HMX2: variants seen among roughly 807,000 people sequenced by gnomAD.
HMX2 encodes the protein H6 family homeobox 2.
HMX2 carries 15 observed loss-of-function variants against 21.2 expected under a neutral mutation model. The ratio of observed to expected loss-of-function variants is 0.71; its 90% CI spans 0.47 to 1.09. The LOEUF is 1.09. Among genes scored for constraint, HMX2 ranks in the 50% least tolerant of loss-of-function variants. HMX2 has a pLI of 0.00. For missense variants in HMX2, 440 were observed against 381.5 expected, an observed-to-expected ratio of 1.15 and a Z score of -1.28; for synonymous variants, 193 against 181.0, an observed-to-expected ratio of 1.07 and a Z score of -0.53.
At position 123,149,873 on chromosome 10, in the gene HMX2, C is replaced by A; in HGVS notation, c.572C>A (p.Thr191Asn). 1 of 1,612,852 alleles carries A rather than the reference C, an allele frequency of 6.2e-7. No homozygotes were observed. Among genetic ancestry groups the A allele is most frequent in the Non-Finnish European group, 8.5e-7 (1 of 1,179,896 alleles). Residue 191 changes from threonine to asparagine, a missense_variant, in exon 2 of 2, where the codon ACC (threonine) becomes AAC (asparagine). By Grantham distance (65) the Thr-to-Asn change is moderately conservative (BLOSUM62 0). Coordinates refer to ENST00000339992, the MANE Select transcript of HMX2 (RefSeq NM_005519.2). The surrounding 1 kb of genome is among the most constrained non-coding windows in gnomAD (Gnocchi z 5.4). ...GCCTCCAGCCTGCAGCTCACGGAGA[C>A]CCAGGTAAAGACTTGGTTCCAGAAC... ...CLASSLQLTE[T>N]QVKTWFQNRR...
rs773082124 is a variant in HMX2, at chr10:123,149,980, A to C, written c.679A>C (p.Ser227Arg). Residue 227 changes from serine (S) to arginine (R), a missense_variant, in exon 2 of 2, where the codon AGC becomes CGC. Physicochemically the swap from Ser to Arg is moderately radical, Grantham distance 110. Coordinates refer to ENST00000339992, the MANE Select transcript of HMX2 (RefSeq NM_005519.2). The surrounding 1 kb of genome is among the most constrained non-coding windows in gnomAD (Gnocchi z 5.4). ...MAHASAQTLV[S>R]MPLVFRDSSL... ...GCACGCGTCGGCGCAGACTCTGGTG[A>C]GCATGCCGCTGGTGTTCCGGGACAG... The C allele has an allele frequency of 2.5e-6, 4 of 1,611,614 alleles. No individual in the cohort carries two copies. The highest frequency in any genetic ancestry group is 2.5e-6 in the Non-Finnish European group (3 of 1,179,474).
rs751457489 is a variant in HMX2, at chr10:123,149,794, G to C, written c.493G>C (p.Glu165Gln). ...TTCGCGCAGCCAGGTGTACCAGCTC[G>C]AGTCCACCTTCGACATGAAGCGCTA... ...VFSRSQVYQL[E>Q]STFDMKRYLS... Residue 165 changes from glutamate (E) to glutamine (Q), a missense_variant, in exon 2 of 2, where the codon GAG becomes CAG. Coordinates refer to ENST00000339992, the MANE Select transcript of HMX2 (RefSeq NM_005519.2). The surrounding 1 kb of genome is among the most constrained non-coding windows in gnomAD (Gnocchi z 5.4). 6.2e-7 allele frequency: 1 copy of C among 1,610,116 alleles called. No individual in the cohort carries two copies. Among genetic ancestry groups the C allele is most frequent in the Admixed American group, 1.7e-5 (1 of 59,896 alleles).
rs551483948 is a variant in HMX2, at chr10:123,150,298, G to A, written c.*175G>A. On this transcript the variant is annotated 3_prime_UTR_variant, in exon 2 of 2. Coordinates refer to ENST00000339992, the MANE Select transcript of HMX2 (RefSeq NM_005519.2). This position sits in a 1 kb window ranked among gnomAD's most constrained non-coding sequence, Gnocchi z 4.2. ...CCTACTTTTTGTTTTGATTGTTTCG[G>A]GTATTTATTGGCATTCCCTAAGTCA... 9.2e-5 allele frequency: 52 copies of A among 564,612 alleles called. 1 individual carries two copies. Among genetic ancestry groups the A allele is most frequent in the Middle Eastern group, 9.3e-4 (2 of 2,140 alleles). 35.0% of individuals were successfully genotyped at this position (564,612 alleles called of 1,614,324 possible). A position where few individuals can be genotyped will look rare whatever the true frequency, so the allele number is the denominator to read the frequency against.
At position 123,148,621 on chromosome 10, in the gene HMX2, T is replaced by C; in HGVS notation, c.243T>C (p.His81=). Residue 81 remains histidine, a synonymous_variant, in exon 1 of 2, where the codon CAT becomes CAC. Coordinates refer to ENST00000339992, the MANE Select transcript of HMX2 (RefSeq NM_005519.2). ...HGPKEQGPKH[H]PPIPFPCLGT... ...CTAAGGAGCAGGGCCCCAAGCACCA[T>C]CCCCCCATCCCTTTTCCTTGCCTGG... is the stretch of plus-strand genomic sequence containing the variant. 1 of 1,610,046 alleles carries C rather than the reference T, an allele frequency of 6.2e-7. No individual in the cohort carries two copies. Among genetic ancestry groups the C allele is most frequent in the Admixed American group, 1.7e-5 (1 of 59,572 alleles).
Position 123,149,971 on chromosome 10 carries a change from ACT to A in HMX2, c.673_674del (p.Leu225GlyfsTer70). 1 of 1,611,668 alleles carries A rather than the reference ACT, an allele frequency of 6.2e-7. No homozygotes were observed. Among genetic ancestry groups the A allele is most frequent in the Non-Finnish European group, 8.5e-7 (1 of 1,179,508 alleles). On this transcript the variant is annotated frameshift_variant, in exon 2 of 2. Transcript: ENST00000339992. LOFTEE classifies it high-confidence loss of function. This position sits in a 1 kb window ranked among gnomAD's most constrained non-coding sequence, Gnocchi z 5.4. ...CAACATGGCGCACGCGTCGGCGCAG[ACT>A]CTGGTGAGCATGCCGCTGGTGTTCC... ...AANMAHASAQTLVSMPLVFRD... is the reference protein window; with the variant it reads ...AANMAHASAQXLVSMPLVFRD...
In HMX2 at chr10:123,149,823, G is replaced by C; in HGVS notation, c.522G>C (p.Leu174=). 1 of 1,612,608 alleles carries C rather than the reference G, an allele frequency of 6.2e-7. No individual in the cohort carries two copies. Among genetic ancestry groups the C allele is most frequent in the Non-Finnish European group, 8.5e-7 (1 of 1,179,784 alleles). ...LESTFDMKRY[L]SSSERACLAS... The stretch of plus-strand genomic sequence containing the variant: ...CCACCTTCGACATGAAGCGCTACCT[G>C]AGCAGCTCGGAGCGCGCCTGCCTCG... Residue 174 remains leucine, a synonymous_variant, in exon 2 of 2, where the codon CTG becomes CTC. Coordinates refer to ENST00000339992, the MANE Select transcript of HMX2 (RefSeq NM_005519.2). The surrounding 1 kb of genome is among the most constrained non-coding windows in gnomAD (Gnocchi z 5.4).
chr10:123,148,699 G>A, intron 1 of HMX2, 53 bp downstream of exon 1: 1 of 1,572,818 alleles, frequency 6.4e-7, no homozygotes, highest in Non-Finnish European at 8.6e-7. Context: ...GGGGAGGGAG[G>A]CTGAGCGCCC....
chr10:123,148,718 C>G (rs1215859149), intron 1 of HMX2, 72 bp downstream of exon 1: 1 of 1,549,552 alleles, frequency 6.5e-7, no homozygotes, highest in Non-Finnish European at 8.7e-7. Context: ...CCCGCCAAGA[C>G]TCCCGCGCCG....
Position 123,148,643 on chromosome 10 carries a change from C to G in HMX2, c.265C>G (p.Leu89Val), listed in dbSNP as rs761122552. The G allele has an allele frequency of 5.0e-6, 8 of 1,608,904 alleles. No homozygotes were observed. In the South Asian group the frequency reaches 5.5e-5, roughly 11 times the overall value. Residue 89 changes from leucine (L) to valine (V), a missense_variant, in exon 1 of 2, where the codon CTG (leucine) becomes GTG (valine). Leu to Val is a conservative substitution (Grantham distance 32, BLOSUM62 1). Transcript: ENST00000339992. ...CCATCCCCCCATCCCTTTTCCTTGC[C>G]TGGGTAAGGATCGCACGTCGCCAGT... ...KHHPPIPFPC[L>V]GTPKGSGGSG...
chr10:123,148,399 G>A lies in HMX2; in HGVS notation c.21G>A (p.Ala7=), dbSNP rs774361615. MGSKED[A]GKGCPAAGGV... is the part of the protein sequence containing the mutation. ...CCAGGATGGGCAGCAAAGAAGATGCGGGCAAGGGGTGTCCGGCGGCCGGTG... is the reference window on the plus strand; with the variant it reads ...CCAGGATGGGCAGCAAAGAAGATGCAGGCAAGGGGTGTCCGGCGGCCGGTG... The change falls in exon 1 of 2, where the codon GCG becomes GCA. Residue 7 remains alanine (A), a synonymous_variant. Transcript: ENST00000339992. 1.2e-6 allele frequency: 2 copies of A among 1,612,948 alleles called. No individual in the cohort carries two copies. Among genetic ancestry groups the A allele is most frequent in the East Asian group, 4.5e-5 (2 of 44,806 alleles).
chr10:123,149,768 T>C lies in HMX2; in HGVS notation c.467T>C (p.Phe156Ser). The part of the protein sequence containing the change: ...GAAKKKTRTV[F>S]SRSQVYQLES... ...GCCAAGAAGAAGACGCGCACCGTCT[T>C]TTCGCGCAGCCAGGTGTACCAGCTC... Residue 156 changes from phenylalanine (F) to serine (S), a missense_variant, in exon 2 of 2, where the codon TTT becomes TCT. Phe to Ser is a radical substitution (Grantham distance 155, BLOSUM62 -2). Coordinates refer to ENST00000339992, the MANE Select transcript of HMX2 (RefSeq NM_005519.2). The surrounding 1 kb of genome is among the most constrained non-coding windows in gnomAD (Gnocchi z 5.4). 6.3e-7 allele frequency: 1 copy of C among 1,594,848 alleles called. No individual in the cohort carries two copies. The highest frequency in any genetic ancestry group is 8.5e-7 in the Non-Finnish European group (1 of 1,170,498).
rs1415684105 is a variant in HMX2 at position 123,150,634 on chromosome 10, AT to A, written c.*516del. On this transcript the variant is annotated 3_prime_UTR_variant, in exon 2 of 2. Coordinates refer to ENST00000339992, the MANE Select transcript of HMX2 (RefSeq NM_005519.2). This position sits in a 1 kb window ranked among gnomAD's most constrained non-coding sequence, Gnocchi z 4.2. ...AAGGGGAGAGTTCAGATCTGTAAAT[AT>A]TTTTAAAAAGAAAAAAAAATAAAAC... The A allele has an allele frequency of 6.6e-6, 1 of 152,124 alleles. No homozygotes were observed. The highest frequency in any genetic ancestry group is 2.4e-5 in the African/African-American group (1 of 41,538). 9.4% of individuals were successfully genotyped at this position (152,124 alleles called of 1,614,324 possible). A position where few individuals can be genotyped will look rare whatever the true frequency, so the allele number is the denominator to read the frequency against.
Position 123,149,935 on chromosome 10 carries a change from C to G in HMX2, c.634C>G (p.Leu212Val), listed in dbSNP as rs1302791801. The G allele has an allele frequency of 3.1e-6, 5 of 1,612,164 alleles. No homozygotes were observed. The South Asian group carries it at 4.4e-5, about 14-fold the overall frequency. Residue 212 changes from leucine (L) to valine (V), a missense_variant, in exon 2 of 2, where the codon CTG becomes GTG. Leu to Val is a conservative substitution (Grantham distance 32, BLOSUM62 1). Coordinates refer to ENST00000339992, the MANE Select transcript of HMX2 (RefSeq NM_005519.2). The surrounding 1 kb of genome is among the most constrained non-coding windows in gnomAD (Gnocchi z 5.4). ...NKWKRQLSAE[L>V]EAANMAHASA... The stretch of plus-strand genomic sequence containing the variant: ...GTGGAAGCGGCAGCTCTCGGCTGAG[C>G]TGGAGGCGGCCAACATGGCGCACGC...
In HMX2 at chr10:123,148,359, C is replaced by A. The variant is rs200845862; in HGVS notation, c.-20C>A. On this transcript the variant is annotated 5_prime_UTR_variant, in exon 1 of 2. Coordinates refer to ENST00000339992, the MANE Select transcript of HMX2 (RefSeq NM_005519.2). ...TCTAAAGGGAGTTCTTGGTTTCCTTCGATTTCTTATGAACCCAGGATGGGC... is the reference window on the plus strand; with the variant it reads ...TCTAAAGGGAGTTCTTGGTTTCCTTAGATTTCTTATGAACCCAGGATGGGC... The A allele has an allele frequency of 6.8e-6, 11 of 1,611,550 alleles. 1 individual carries two copies. In the South Asian group the frequency reaches 1.2e-4, roughly 18 times the overall value.
rs1252157485 is a variant in HMX2 at position 123,150,065 on chromosome 10, C to T, written c.764C>T (p.Pro255Leu). 1 of 1,599,922 alleles carries T rather than the reference C, an allele frequency of 6.3e-7. No homozygotes were observed. ...GCCTTTCCCGCGCCGCTCTACTACC[C>T]GGGAAGCAACCTCTCGGCCTTACCT... ...SLAFPAPLYY[P>L]GSNLSALPLY... The change falls in exon 2 of 2, where the codon CCG becomes CTG. Residue 255 changes from proline (P) to leucine (L), a missense_variant. Transcript: ENST00000339992. The surrounding 1 kb of genome is among the most constrained non-coding windows in gnomAD (Gnocchi z 4.2).
chr10:123,148,686 C>T, intron 1 of HMX2, 40 bp downstream of exon 1: 1 of 1,582,876 alleles, frequency 6.3e-7, no homozygotes, highest in Non-Finnish European at 8.5e-7. Flanking sequence ...CGAGCGAGCG[C>T]GAGGGGAGGG....
Position 123,148,268 on chromosome 10 carries a change from T to A in HMX2, c.-111T>A. ...GCCTCGGCGCCCCCTCCCCCTAGAT[T>A]TCCTCCCCGCCCCTCCCCACTGCCT... On this transcript the variant is annotated 5_prime_UTR_variant, in exon 1 of 2. Coordinates refer to ENST00000339992, the MANE Select transcript of HMX2 (RefSeq NM_005519.2). 8.6e-7 allele frequency: 1 copy of A among 1,165,318 alleles called. No individual in the cohort carries two copies. Among genetic ancestry groups the A allele is most frequent in the Non-Finnish European group, 1.2e-6 (1 of 806,620 alleles). The allele number at this position is 1,165,318 out of a possible 1,614,324, so 72.2% of individuals were successfully genotyped here.
rs1006840079 is a variant in HMX2, at chr10:123,148,213, T to G, written c.-166T>G. ...CCTGCGCAGCCATCCGGTGCCTGCATGTCCCTGGCGCGGAAGGGACGCCTC... is the reference window on the plus strand; with the variant it reads ...CCTGCGCAGCCATCCGGTGCCTGCAGGTCCCTGGCGCGGAAGGGACGCCTC... On this transcript the variant is annotated 5_prime_UTR_variant, in exon 1 of 2. An upstream start codon of the reference 5' UTR is lost. Transcript: ENST00000339992. 1 of 713,490 alleles carries G rather than the reference T, an allele frequency of 1.4e-6. No homozygotes were observed. The highest frequency in any genetic ancestry group is 2.3e-6 in the Non-Finnish European group (1 of 430,288). The allele number at this position is 713,490 out of a possible 1,614,324, so 44.2% of individuals were successfully genotyped here.
At chr10:123,148,687 G>C in intron 1 of HMX2, 41 bp downstream of exon 1, 1 of 1,582,942 alleles carries the variant, frequency 6.3e-7, no homozygotes. Flanking sequence ...GAGCGAGCGC[G>C]AGGGGAGGGA....
Sources: allele counts gnomAD v4.1 joint callset, GRCh38; gene constraint gnomAD v4.1.1; non-coding constraint Gnocchi (gnomAD v3.1); transcripts MANE v1.5; gene names NCBI Gene and HGNC (gene_info 2026-07-23, HGNC 2026-07-21).